PCBP3: variants seen among roughly 807,000 people sequenced by gnomAD.
PCBP3 encodes poly(rC) binding protein 3.
A neutral mutation model predicts 52.7 loss-of-function variants in PCBP3; 25 were observed. The ratio of observed to expected loss-of-function variants is 0.47; its 90% CI spans 0.35 to 0.66. The LOEUF is 0.66. PCBP3 is among the 30% of genes least tolerant of loss of function. The pLI, the probability that PCBP3 is intolerant of heterozygous loss-of-function variation, is 0.01. For synonymous variants in PCBP3, 162 were observed against 183.0 expected, an observed-to-expected ratio of 0.89 and a Z score of 0.93; for missense variants, 391 against 490.3, an observed-to-expected ratio of 0.80 and a Z score of 1.91.
At chr21:45,871,388 AG>A (rs1270832251) in intron 5 of PCBP3, 1 of 157,548 alleles carries the variant, frequency 6.3e-6, no homozygotes, top group Non-Finnish European at 1.4e-5. Flanking sequence ...GGGGTGGGGA[AG>A]GGGCTACGCG....
chr21:45,742,701 T>C (rs1022955994), intron 3 of PCBP3, among the ~76,000 whole-genome samples: 1 of 152,260 alleles, frequency 6.6e-6, no homozygotes, highest in Non-Finnish European at 1.5e-5. Flanking sequence ...ACTTCATTTT[T>C]CTAATGATTC....
chr21:45,932,713 A>G (rs2076410765), intron 15 of PCBP3, among the ~76,000 whole-genome samples: 1 of 151,578 alleles, frequency 6.6e-6, no homozygotes, highest in African/African-American at 2.4e-5. Flanking sequence ...ATGAATGAAC[A>G]CATTGGCCAT....
chr21:45,850,534 T>A (rs1434256254), intron 5 of PCBP3, among the ~76,000 whole-genome samples: 4 of 152,152 alleles, frequency 2.6e-5, no homozygotes, highest in Non-Finnish European at 5.9e-5. Flanking sequence ...CTGCAGACAT[T>A]AGTGCCGTGG....
intron 2 of PCBP3, among the ~76,000 whole-genome samples, chr21:45,683,962 C>T (rs755417590): frequency 4.0e-5 from 6 of 148,760 alleles, no homozygotes; most frequent in Non-Finnish European, 8.9e-5. Context: ...TGTTGCTGGG[C>T]ATGGTGGCTC....
intron 4 of PCBP3, among the ~76,000 whole-genome samples, chr21:45,847,748 A>C (rs2093846531): frequency 6.6e-6 from 1 of 152,218 alleles, no homozygotes; most frequent in African/African-American, 2.4e-5. Flanking sequence ...GGAGTCCCAA[A>C]GAATTTTCTC....
chr21:45,897,199 A>C (rs771772142), intron 6 of PCBP3, among the ~76,000 whole-genome samples: 16 of 152,190 alleles, frequency 1.1e-4, no homozygotes, highest in Non-Finnish European at 2.2e-4. Context: ...ACAAACAGGG[A>C]CCTTCTCCAG....
At chr21:45,864,306 G>T (rs2094624269) in intron 5 of PCBP3, among the ~76,000 whole-genome samples, 1 of 152,198 alleles carries the variant, frequency 6.6e-6, no homozygotes, top group African/African-American at 2.4e-5. Flanking sequence ...GCGGGGTCAT[G>T]GGTGCTGCCG....
intron 5 of PCBP3, among the ~76,000 whole-genome samples, chr21:45,851,573 G>T (rs945053646): frequency 6.6e-6 from 1 of 151,900 alleles, no homozygotes; most frequent in Admixed American, 6.6e-5. Flanking sequence ...ATATAGAAAG[G>T]AGTGAATGAG....
intron 5 of PCBP3, among the ~76,000 whole-genome samples, chr21:45,868,470 C>T (rs1192510844): frequency 1.4e-5 from 2 of 147,616 alleles, no homozygotes; most frequent in African/African-American, 5.1e-5. Flanking sequence ...TCAATAAAAG[C>T]CACAGGTCTG....
intron 5 of PCBP3, among the ~76,000 whole-genome samples, chr21:45,890,832 A>G (rs780045985): frequency 1.1e-4 from 17 of 151,114 alleles, no homozygotes; most frequent in Non-Finnish European, 2.5e-4. Flanking sequence ...TAGATAATAG[A>G]ACCTGGAACT....
chr21:45,786,474 A>G (rs570052613), intron 4 of PCBP3, among the ~76,000 whole-genome samples: 22 of 152,194 alleles, frequency 1.4e-4, no homozygotes, highest in Middle Eastern at 6.8e-3. Context: ...TATTTTTAGT[A>G]GAGATGGGGT....
At chr21:45,695,089 C>G (rs1036488203) in intron 2 of PCBP3, among the ~76,000 whole-genome samples, 2 of 152,178 alleles carry the variant, frequency 1.3e-5, no homozygotes, top group African/African-American at 4.8e-5. Context: ...AGTACAGAGC[C>G]TTGACATAAG....
chr21:45,925,516 C>T (rs1303056856), intron 13 of PCBP3, among the ~76,000 whole-genome samples: 1 of 152,050 alleles, frequency 6.6e-6, no homozygotes, highest in African/African-American at 2.4e-5. Flanking sequence ...GCAAAGGCTG[C>T]CAGACTATAT....
At chr21:45,810,102 AAAT>A (rs758042225) in intron 4 of PCBP3, among the ~76,000 whole-genome samples, 5 of 152,230 alleles carry the variant, frequency 3.3e-5, no homozygotes, top group Non-Finnish European at 7.3e-5. Context: ...GCATCTATTG[AAAT>A]AATAATTTAC....
At chr21:45,710,752 A>T (rs1239146179) in intron 2 of PCBP3, among the ~76,000 whole-genome samples, 1 of 152,194 alleles carries the variant, frequency 6.6e-6, no homozygotes, top group Non-Finnish European at 1.5e-5. Context: ...CTCACTGAGG[A>T]TGGAGTGTCT....
rs1288065739 is a variant in PCBP3, at chr21:45,901,006, A to C, written c.232A>C (p.Arg78=). ...TCTGCTCTCACCTTAGAGTGGTGCA[A>C]GGATCAACATCTCAGAGGGAAACTG... is the stretch of plus-strand genomic sequence containing the variant. The part of the protein sequence containing the change: ...VKKMREESGA[R]INISEGNCPE... Residue 78 remains arginine (R), a synonymous_variant, in exon 9 of 18, where the codon AGG becomes CGG. Transcript: ENST00000681687. 1 of 1,612,974 alleles carries C rather than the reference A, an allele frequency of 6.2e-7. No individual in the cohort carries two copies. The highest frequency in any genetic ancestry group is 1.3e-5 in the African/African-American group (1 of 74,898).
chr21:45,646,053 T>TTC (rs10682556), intron 1 of PCBP3, among the ~76,000 whole-genome samples: 3,749 of 69,884 alleles, frequency 0.054, 133 homozygotes, highest in African/African-American at 0.079. Flanking sequence ...TGTCACCTGT[T>TTC]TCTCTCTCTC....
intron 16 of PCBP3, chr21:45,935,618 G>C: frequency 4.3e-6 from 2 of 462,856 alleles, no homozygotes; most frequent in South Asian, 3.7e-5. Flanking sequence ...GCCCTGGTGC[G>C]GGCCAAACCT....
intron 14 of PCBP3, among the ~76,000 whole-genome samples, 174 bp downstream of exon 14, chr21:45,930,169 G>C (rs2075995574): frequency 6.6e-6 from 1 of 152,008 alleles, no homozygotes; most frequent in Non-Finnish European, 1.5e-5. Context: ...GACAGGGTGG[G>C]GGCGGGAGGT....
Sources: gnomAD v4.1 joint callset for allele counts (sites outside exome capture counted in the v4.1 genomes callset) on GRCh38, gnomAD v4.1.1 for gene constraint, MANE v1.5 for transcripts, NCBI Gene and HGNC (gene_info 2026-07-23, HGNC 2026-07-21) for gene names.